TLE5: variants seen among roughly 807,000 people sequenced by gnomAD.
TLE5 encodes the protein TLE family member 5, transcriptional modulator.
TLE5 carries 7 observed loss-of-function variants against 25.8 expected under a neutral mutation model. The ratio of observed to expected loss-of-function variants is 0.27; its 90% CI spans 0.15 to 0.51. TLE5 has a LOEUF of 0.51. Among genes scored for constraint, TLE5 ranks in the 20% least tolerant of loss-of-function variants. TLE5 has a pLI of 0.97. For missense variants in TLE5, 149 were observed against 250.7 expected (o/e 0.59, Z 2.74); for synonymous variants, 132 against 110.5 (o/e 1.20, Z -1.22).
At chr19:3,060,573 C>G (rs1393495828) in intron 2 of TLE5, among the ~76,000 whole-genome samples, 4 of 152,012 alleles carry the variant, frequency 2.6e-5, no homozygotes, top group Non-Finnish European at 5.9e-5. Flanking sequence ...CTCAAGTGAT[C>G]CACCTTCCTC....
In TLE5 at chr19:3,054,129, A is replaced by G; in HGVS notation, c.363T>C (p.Ser121=). 6.4e-7 allele frequency: 1 copy of G among 1,557,506 alleles called. No homozygotes were observed. The highest frequency in any genetic ancestry group is 8.7e-7 in the Non-Finnish European group (1 of 1,149,554). ...AGGTCCCCATACATACTCGGATGAT[A>G]GAGTTCAGCTCGGGAGCGGTGACCT... ...AKQVTAPELN[S]IIRQQLQAHQ... The change falls in exon 6 of 7, where the codon TCT becomes TCC. Residue 121 remains serine, a synonymous_variant. Transcript: ENST00000327141.
At chr19:3,056,215 G>GCCA (rs2090216492) in intron 4 of TLE5, 97 bp downstream of exon 4, 4 of 853,534 alleles carry the variant, frequency 4.7e-6, no homozygotes, top group Non-Finnish European at 7.0e-6. Context: ...GCCGAGGGCC[G>GCCA]GCCGCTACCT....
At chr19:3,062,868 T>C, upstream of TLE5, 1 of 1,482,946 alleles carries the variant, frequency 6.7e-7, no homozygotes, top group Non-Finnish European at 9.2e-7. Context: ...TTAGTTTCCT[T>C]TTCTGCAGAA....
rs1322946397 is a variant in TLE5, at chr19:3,062,490, G to A, written c.-290C>T. ...GCTATTGTCTAATGGCGGCGACGCC[G>A]GCAGTGGCCGCGGCTCGGCTGCTGC... is the stretch of plus-strand genomic sequence containing the variant. On this transcript the variant is annotated 5_prime_UTR_variant, in exon 1 of 7. Transcript: ENST00000327141. 2 of 607,186 alleles carry A rather than the reference G, an allele frequency of 3.3e-6. No individual in the cohort carries two copies. Among genetic ancestry groups the A allele is most frequent in the African/African-American group, 2.1e-5 (1 of 47,728 alleles). The allele number at this position is 607,186 out of a possible 1,614,324, so 37.6% of individuals were successfully genotyped here.
chr19:3,062,308 C>A lies in TLE5; in HGVS notation c.-108G>T. 1.0e-6 allele frequency: 1 copy of A among 980,534 alleles called. No individual in the cohort carries two copies. Among genetic ancestry groups the A allele is most frequent in the South Asian group, 4.6e-5 (1 of 21,874 alleles). 60.7% of individuals were successfully genotyped at this position (980,534 alleles called of 1,614,324 possible). ...TTGTCCCGGCGCCGATCGGCAGCTCCCGGGGCCGCCGCCGCCTCCCGCGCC... is the reference window on the plus strand; with the variant it reads ...TTGTCCCGGCGCCGATCGGCAGCTCACGGGGCCGCCGCCGCCTCCCGCGCC... On this transcript the variant is annotated 5_prime_UTR_variant, in exon 1 of 7. Coordinates refer to ENST00000327141, the MANE Select transcript of TLE5 (RefSeq NM_001130.6).
intron 5 of TLE5, chr19:3,054,420 C>T (rs768009333): frequency 1.2e-5 from 7 of 596,298 alleles, no homozygotes; most frequent in Non-Finnish European, 2.1e-5. Flanking sequence ...TGGAAAAGTG[C>T]AGAAAACAAT....
intron 3 of TLE5, 107 bp from the exon 4 acceptor site, chr19:3,056,463 C>G (rs1482914833): frequency 1.7e-6 from 1 of 604,164 alleles, no homozygotes; most frequent in African/African-American, 1.9e-5. Flanking sequence ...AGGGGGGAGA[C>G]AGCAAGAGAC....
chr19:3,053,834 G>A lies in TLE5; in HGVS notation c.579C>T (p.Gly193=), dbSNP rs1456666911. ...HDGDTHQEDD[G]EKSD is the part of the protein sequence containing the mutation. The stretch of plus-strand genomic sequence containing the variant: ...CGGCCCCCTGCTAATCCGACTTCTC[G>A]CCATCATCCTCCTGGTGGGTGTCAC... The change falls in exon 7 of 7, where the codon GGC becomes GGT. Residue 193 remains glycine, a synonymous_variant. Transcript: ENST00000327141. 6.2e-7 allele frequency: 1 copy of A among 1,612,568 alleles called. No homozygotes were observed. The highest frequency in any genetic ancestry group is 2.2e-5 in the East Asian group (1 of 44,856).
upstream of TLE5, chr19:3,062,939 C>T: frequency 2.2e-6 from 2 of 899,428 alleles, no homozygotes; most frequent in South Asian, 1.5e-5. Flanking sequence ...TATAGAACGC[C>T]TACTGTGTGC....
intron 5 of TLE5, 67 bp from the exon 6 acceptor site, chr19:3,054,261 G>T: frequency 6.7e-7 from 1 of 1,488,866 alleles, no homozygotes; most frequent in East Asian, 2.3e-5. Flanking sequence ...AGAGGGGGAC[G>T]GCCCTGAGGC....
chr19:3,055,742 G>A lies in TLE5; in HGVS notation c.235-16C>T. On this transcript the variant is annotated splice_polypyrimidine_tract_variant and intron_variant, in intron 4 of 6. Coordinates refer to ENST00000327141, the MANE Select transcript of TLE5 (RefSeq NM_001130.6). ...CGATCTCAGCCTGGAACACACAGAT[G>A]AAGCCGGCTTCAGTCCTGGGCGGGT... 6.2e-7 allele frequency: 1 copy of A among 1,601,586 alleles called. No individual in the cohort carries two copies. Among genetic ancestry groups the A allele is most frequent in the Non-Finnish European group, 8.5e-7 (1 of 1,173,778 alleles).
chr19:3,061,117 C>A (rs867835366), intron 2 of TLE5, 43 bp downstream of exon 2: 2 of 1,464,796 alleles, frequency 1.4e-6, no homozygotes, highest in African/African-American at 2.8e-5. Context: ...AATGGGGGGA[C>A]TCACATTCTC....
intron 3 of TLE5, chr19:3,056,845 A>C: frequency 1.4e-5 from 3 of 212,820 alleles, no homozygotes; most frequent in Non-Finnish European, 2.9e-5. Flanking sequence ...CCTGCTCTAA[A>C]CCCTCCCATG....
upstream of TLE5, chr19:3,062,952 G>A (rs74813451): frequency 2.5e-3 from 1,936 of 785,840 alleles, 41 homozygotes; most frequent in African/African-American, 0.03. Context: ...CTGTGTGCCA[G>A]GCCCCGCTGC....
At position 3,054,138 on chromosome 19, in the gene TLE5, C is replaced by T; in HGVS notation, c.354G>A (p.Glu118=). The change falls in exon 6 of 7, where the codon GAG becomes GAA. Residue 118 remains glutamate, a synonymous_variant. Transcript: ENST00000327141. Reference sequence around the variant, plus strand: ...TACATACTCGGATGATAGAGTTCAGCTCGGGAGCGGTGACCTGCTTGGCCC... The same window carrying T: ...TACATACTCGGATGATAGAGTTCAGTTCGGGAGCGGTGACCTGCTTGGCCC... The part of the protein sequence containing the change: ...IERAKQVTAP[E]LNSIIRQQLQ... The T allele has an allele frequency of 1.3e-6, 2 of 1,539,260 alleles. No homozygotes were observed. Among genetic ancestry groups the T allele is most frequent in the South Asian group, 1.1e-5 (1 of 88,536 alleles).
At chr19:3,057,121 A>G (rs548173182) in intron 3 of TLE5, among the ~76,000 whole-genome samples, 1 of 152,164 alleles carries the variant, frequency 6.6e-6, no homozygotes, top group East Asian at 1.9e-4. Flanking sequence ...TCGCTGCTCG[A>G]GGGCCAGGCC....
chr19:3,061,722 C>A (rs567852820), intron 1 of TLE5, among the ~76,000 whole-genome samples: 7 of 151,522 alleles, frequency 4.6e-5, no homozygotes, highest in African/African-American at 1.5e-4. Context: ...AGATTCCCAG[C>A]GCCCTTCCTC....
Position 3,055,571 on chromosome 19 carries a change from C to T in TLE5, c.297+93G>A, listed in dbSNP as rs576784667. 46 of 1,185,994 alleles carry T rather than the reference C, an allele frequency of 3.9e-5. 1 individual carries two copies. In the South Asian group the frequency reaches 5.3e-4, roughly 14 times the overall value. The allele number at this position is 1,185,994 out of a possible 1,614,324, so 73.5% of individuals were successfully genotyped here. A position where few individuals can be genotyped will look rare whatever the true frequency, so the allele number is the denominator to read the frequency against. On this transcript the variant is annotated intron_variant, in intron 5 of 6. Transcript: ENST00000327141. ...GAGAGGGGAGGCGTGTGCCCTGGGGCGCCCAGCACACCACCCAAGATGGCT... is the reference window on the plus strand; with the variant it reads ...GAGAGGGGAGGCGTGTGCCCTGGGGTGCCCAGCACACCACCCAAGATGGCT...
intron 1 of TLE5, 30 bp downstream of exon 1, chr19:3,062,143 TG>T: frequency 1.2e-6 from 1 of 824,060 alleles, no homozygotes. Context: ...GGATCCGGGG[TG>T]GGGGCGCCGG....
Sources: allele counts gnomAD v4.1 joint callset (sites outside exome capture counted in the v4.1 genomes callset), GRCh38; gene constraint gnomAD v4.1.1; transcripts MANE v1.5; gene names NCBI Gene and HGNC (gene_info 2026-07-23, HGNC 2026-07-21).